The following FAM120B variants were observed in gnomAD, a reference collection of about 807,000 sequenced individuals.
FAM120B encodes constitutive coactivator of peroxisome proliferator-activated receptor gamma.
FAM120B carries 83 observed loss-of-function variants against 96.3 expected under a neutral mutation model. The ratio of observed to expected loss-of-function variants is 0.86; its 90% CI spans 0.72 to 1.03. FAM120B has a LOEUF of 1.03. FAM120B is among the 50% of genes least tolerant of loss of function. The pLI is 0.00. For missense variants in FAM120B, 1,027 were observed against 1,121.2 expected (o/e 0.92, Z 1.20); for synonymous variants, 407 against 402.7 (o/e 1.01, Z -0.13).
Position 170,405,164 on chromosome 6 carries a change from C to G in FAM120B, c.*413C>G. 1 of 154,138 alleles carries G rather than the reference C, an allele frequency of 6.5e-6. No individual in the cohort carries two copies. Among genetic ancestry groups the G allele is most frequent in the Non-Finnish European group, 1.4e-5 (1 of 69,370 alleles). The allele number at this position is 154,138 out of a possible 1,614,324, so 9.5% of individuals were successfully genotyped here. ...AGAAAACACTATACAGTAGTCCTCC[C>G]TTATCTGCGGGGGAGACATCCCAAG... is the stretch of plus-strand genomic sequence containing the variant. On this transcript the variant is annotated 3_prime_UTR_variant, in exon 11 of 11. Transcript: ENST00000476287.
chr6:170,355,298 A>G lies in FAM120B; in HGVS notation c.2191-2928A>G, dbSNP rs148532890. Among the ~76,000 whole-genome samples the G allele has an allele frequency of 5.4e-3, 822 of 152,332 alleles. 8 individuals carry two copies. The highest frequency in any genetic ancestry group is 0.019 in the African/African-American group (776 of 41,568). ...TCACTGCAGCACTATTCACAATAGCAAAGACATTGAATCAACCTAAATGCA... is the reference window on the plus strand; with the variant it reads ...TCACTGCAGCACTATTCACAATAGCGAAGACATTGAATCAACCTAAATGCA... On this transcript the variant is annotated intron_variant, in intron 5 of 10. Transcript: ENST00000476287.
At chr6:170,310,284 G>C (rs1441215870) in intron 1 of FAM120B, among the ~76,000 whole-genome samples, 2 of 152,222 alleles carry the variant, frequency 1.3e-5, no homozygotes, top group Non-Finnish European at 2.9e-5. Flanking sequence ...GGGTTGCTGG[G>C]AAAAGCCAGA....
At chr6:170,299,510 C>T (rs1301169665) in intron 1 of FAM120B, among the ~76,000 whole-genome samples, 2 of 152,224 alleles carry the variant, frequency 1.3e-5, no homozygotes, top group African/African-American at 2.4e-5. Flanking sequence ...CTGCTCTAGG[C>T]AGAGATGGGG....
chr6:170,352,695 A>T (rs934973439), intron 5 of FAM120B, among the ~76,000 whole-genome samples: 3 of 152,202 alleles, frequency 2.0e-5, no homozygotes, highest in African/African-American at 7.2e-5. Context: ...AAATAATGAA[A>T]TTAATGAGAA....
chr6:170,386,855 ACAAAT>A (rs1456351845), intron 6 of FAM120B, among the ~76,000 whole-genome samples: 1 of 152,250 alleles, frequency 6.6e-6, no homozygotes, highest in East Asian at 1.9e-4. Flanking sequence ...CAAAATACTA[ACAAAT>A]CAAATCCAGC....
intron 5 of FAM120B, 28 bp from the exon 6 acceptor site, chr6:170,358,198 A>G (rs1429593089): frequency 1.3e-6 from 2 of 1,548,880 alleles, no homozygotes; most frequent in South Asian, 1.1e-5. Context: ...CCTGTAGCCT[A>G]ACACTGGCCT....
chr6:170,331,975 A>G (rs574048547), intron 4 of FAM120B, among the ~76,000 whole-genome samples: 1 of 152,310 alleles, frequency 6.6e-6, no homozygotes, highest in East Asian at 1.9e-4. Context: ...ATAGGATTTG[A>G]ACTTTTATAC....
upstream of FAM120B, chr6:170,290,894 C>G: frequency 2.9e-6 from 2 of 691,526 alleles, no homozygotes; most frequent in Non-Finnish European, 5.3e-6. The surrounding 1 kb of genome is among the most constrained non-coding windows in gnomAD (Gnocchi z 4.7). Context: ...TGCCCTCGGC[C>G]GGGTCGGGTC....
At chr6:170,351,463 T>C (rs1787575479) in intron 5 of FAM120B, among the ~76,000 whole-genome samples, 1 of 152,064 alleles carries the variant, frequency 6.6e-6, no homozygotes, top group South Asian at 2.1e-4. Context: ...TAAGATAGTG[T>C]ATGAGAAGAT....
chr6:170,304,067 T>C (rs974765887), upstream of FAM120B, among the ~76,000 whole-genome samples: 15 of 152,366 alleles, frequency 9.8e-5, no homozygotes, highest in East Asian at 2.9e-3. Flanking sequence ...CTTCCTGTTT[T>C]TTAGGTCCCA....
chr6:170,315,706 A>T (rs1784859044), intron 1 of FAM120B, among the ~76,000 whole-genome samples: 1 of 152,174 alleles, frequency 6.6e-6, no homozygotes. Flanking sequence ...TATTTTCATT[A>T]TGCAATTAAT....
At position 170,359,464 on chromosome 6, in the gene FAM120B, G is replaced by A. The variant is rs113533332; in HGVS notation, c.2283+1146G>A. ...TAAGACTCACTCTGTTGCCCAGGCT[G>A]GAATGCAATGGCTCAGTCCCTGCTC... On this transcript the variant is annotated intron_variant, in intron 6 of 10. Coordinates refer to ENST00000476287, the MANE Select transcript of FAM120B (RefSeq NM_032448.3). 0.01 allele frequency among the ~76,000 whole-genome samples: 1,560 copies of A among 151,828 alleles called. 68 individuals are homozygous for A. In the East Asian group the frequency reaches 0.1, roughly 10 times the overall value.
In FAM120B at chr6:170,328,718, A is replaced by G. The variant is rs541808498; in HGVS notation, c.1916-1731A>G. On this transcript the variant is annotated intron_variant, in intron 3 of 10. Transcript: ENST00000476287. The stretch of plus-strand genomic sequence containing the variant: ...TTTAAATAAGATTTTGTCTTTCTCA[A>G]TCTCTTTTGCCTCTTCCTCTGGGCC... 1.1e-4 allele frequency among the ~76,000 whole-genome samples: 16 copies of G among 152,088 alleles called. 1 individual carries two copies. In the South Asian group the frequency reaches 2.9e-3, roughly 28 times the overall value.
At chr6:170,385,812 A>G (rs1032440139) in intron 6 of FAM120B, among the ~76,000 whole-genome samples, 5 of 152,246 alleles carry the variant, frequency 3.3e-5, no homozygotes, top group African/African-American at 9.6e-5. Context: ...AAATACGTCT[A>G]TCAAGCTATG....
chr6:170,303,592 T>G (rs1784187646), upstream of FAM120B, among the ~76,000 whole-genome samples: 1 of 152,206 alleles, frequency 6.6e-6, no homozygotes, highest in Non-Finnish European at 1.5e-5. Flanking sequence ...TCCTTACTTT[T>G]CAATTGTGCG....
At chr6:170,378,246 C>A (rs144021672) in intron 6 of FAM120B, among the ~76,000 whole-genome samples, 172 of 152,284 alleles carry the variant, frequency 1.1e-3, no homozygotes, top group African/African-American at 4.0e-3. Flanking sequence ...CCCAGAATAG[C>A]TGTAGCACAT....
In FAM120B at chr6:170,318,447, GT is replaced by G; in HGVS notation, c.1059del (p.Met355CysfsTer132). The G allele has an allele frequency of 6.2e-7, 1 of 1,613,712 alleles. No individual in the cohort carries two copies. The highest frequency in any genetic ancestry group is 8.5e-7 in the Non-Finnish European group (1 of 1,179,734). ...TTCAGATGCTGAATCCAGGCAAGAA[GT>G]TCCCATGTGTACAGGCCCTGAATCC... ...MCSDAESRQE[V>X]PMCTGPESRR... is the part of the protein sequence containing the mutation. On this transcript the variant is annotated frameshift_variant, in exon 2 of 11. Transcript: ENST00000476287. LOFTEE classifies it high-confidence loss of function.
At position 170,388,168 on chromosome 6, in the gene FAM120B, GCTGTCCAGTTA is replaced by G. The variant is rs369419395; in HGVS notation, c.2284-115_2284-105del. ...GCTTTGAGGATGCAGCTATGGTGATGCTGTCCAGTTACTGAGTGAGCATCCGTTCTGAGCAG... is the reference window on the plus strand; with the variant it reads ...GCTTTGAGGATGCAGCTATGGTGATGCTGAGTGAGCATCCGTTCTGAGCAG... On this transcript the variant is annotated intron_variant, in intron 6 of 10. Coordinates refer to ENST00000476287, the MANE Select transcript of FAM120B (RefSeq NM_032448.3). 1.9e-5 allele frequency: 15 copies of G among 804,308 alleles called. No individual in the cohort carries two copies. In the African/African-American group the frequency reaches 2.6e-4, roughly 14 times the overall value. The allele number at this position is 804,308 out of a possible 1,614,324, so 49.8% of individuals were successfully genotyped here.
chr6:170,399,809 G>C (rs1778447114), intron 9 of FAM120B, among the ~76,000 whole-genome samples: 2 of 139,544 alleles, frequency 1.4e-5, no homozygotes, highest in South Asian at 2.4e-4. Flanking sequence ...GTAGAACTAT[G>C]TCATAAGCCT....
Sources: gnomAD v4.1 joint callset for allele counts (sites outside exome capture counted in the v4.1 genomes callset) on GRCh38, gnomAD v4.1.1 for gene constraint, Gnocchi (gnomAD v3.1) non-coding constraint, MANE v1.5 for transcripts, NCBI Gene and HGNC (gene_info 2026-07-23, HGNC 2026-07-21) for gene names.